Variants in DNAJC7 observed in about 807,000 individuals in gnomAD.
DNAJC7 encodes DnaJ heat shock protein family (Hsp40) member C7.
Under a neutral mutation model 67.4 loss-of-function variants are expected in DNAJC7, and 18 were observed. The ratio of observed to expected loss-of-function variants is 0.27; its 90% confidence interval spans 0.18 to 0.40. The LOEUF is 0.40. DNAJC7 is among the 10% of genes least tolerant of loss of function. The probability of loss-of-function intolerance (pLI) is 1.00; values close to 1 mark genes in which losing one functional copy is unlikely to be tolerated. For missense variants in DNAJC7, 419 were observed against 613.8 expected, an observed-to-expected ratio of 0.68 and a Z score of 3.35; for synonymous variants, 220 against 207.8, an observed-to-expected ratio of 1.06 and a Z score of -0.50.
At chr17:42,015,699 C>A (rs4796628) in intron 1 of DNAJC7, 143,629 of 147,546 alleles carry the variant, frequency 0.97, 69,935 homozygotes, top group African/African-American at 0.98. Context: ...AAAAAAAAAA[C>A]AACAATTAGC....
At chr17:41,989,010 G>A (rs1342612134) in intron 7 of DNAJC7, 114 bp from the exon 8 acceptor site, 9 of 1,297,056 alleles carry the variant, frequency 6.9e-6, no homozygotes, top group Non-Finnish European at 8.5e-6. Context: ...CAGCATCACA[G>A]AGCCCCGCCA....
chr17:41,993,352 A>G (rs897627225), intron 5 of DNAJC7, among the ~76,000 whole-genome samples: 1 of 152,120 alleles, frequency 6.6e-6, no homozygotes, highest in Non-Finnish European at 1.5e-5. Flanking sequence ...CCAGCTACTC[A>G]GGAGGCTGAG....
chr17:42,006,569 C>G (rs2051963477), intron 1 of DNAJC7, among the ~76,000 whole-genome samples: 1 of 145,018 alleles, frequency 6.9e-6, no homozygotes. Flanking sequence ...GAGGCCAAGG[C>G]AGGCAGATCA....
chr17:41,979,688 C>T (rs1462105174), intron 12 of DNAJC7, among the ~76,000 whole-genome samples: 6 of 123,040 alleles, frequency 4.9e-5, no homozygotes, highest in African/African-American at 1.8e-4. Flanking sequence ...AAAGGCCGGG[C>T]GCGGTGGCTC....
chr17:41,983,661 C>A (rs782552563), intron 9 of DNAJC7, 25 bp from the exon 10 acceptor site: 1 of 1,586,034 alleles, frequency 6.3e-7, no homozygotes, highest in South Asian at 1.1e-5. Flanking sequence ...CAAGGCAATA[C>A]AGCACTAAGA....
intron 1 of DNAJC7, among the ~76,000 whole-genome samples, chr17:42,010,240 T>C (rs2052080262): frequency 6.6e-6 from 1 of 151,278 alleles, no homozygotes; most frequent in African/African-American, 2.4e-5. Context: ...TCCCAGCACT[T>C]TGGGAGGCCA....
chr17:42,017,153 G>A, intron 1 of DNAJC7, 187 bp downstream of exon 1: 1 of 1,491,254 alleles, frequency 6.7e-7, no homozygotes, highest in South Asian at 1.3e-5. Context: ...GGCGGAAGCG[G>A]GAGAGGAAGG....
intron 5 of DNAJC7, among the ~76,000 whole-genome samples, chr17:41,993,904 G>A (rs570065608): frequency 1.9e-3 from 289 of 150,264 alleles, no homozygotes; most frequent in African/African-American, 6.7e-3. Flanking sequence ...TTAGCCATGC[G>A]TGGCAGCACA....
At chr17:41,986,848 G>T (rs2051396394) in intron 9 of DNAJC7, among the ~76,000 whole-genome samples, 1 of 152,162 alleles carries the variant, frequency 6.6e-6, no homozygotes, top group African/African-American at 2.4e-5. Context: ...AAACTAAGTG[G>T]GAGGTAGTCC....
intron 9 of DNAJC7, among the ~76,000 whole-genome samples, chr17:41,986,871 G>A (rs1444683415): frequency 6.6e-6 from 1 of 152,168 alleles, no homozygotes; most frequent in African/African-American, 2.4e-5. Flanking sequence ...GAGATATTCT[G>A]TACCACTGAT....
In DNAJC7 at chr17:41,976,605, T is replaced by G; in HGVS notation, c.*128A>C. 1 of 1,195,762 alleles carries G rather than the reference T, an allele frequency of 8.4e-7. No individual in the cohort carries two copies. Among genetic ancestry groups the G allele is most frequent in the Non-Finnish European group, 1.2e-6 (1 of 864,980 alleles). The allele number at this position is 1,195,762 out of a possible 1,614,324, so 74.1% of individuals were successfully genotyped here. On this transcript the variant is annotated 3_prime_UTR_variant, in exon 14 of 14. Coordinates refer to ENST00000457167, the MANE Select transcript of DNAJC7 (RefSeq NM_003315.4). ...ACCCCACTCACAGAGACACAGGGCATCCAACTGAGAAAACGAAACTGCTCT... is the reference window on the plus strand; with the variant it reads ...ACCCCACTCACAGAGACACAGGGCAGCCAACTGAGAAAACGAAACTGCTCT...
intron 12 of DNAJC7, chr17:41,981,513 A>G: frequency 5.0e-6 from 1 of 198,656 alleles, no homozygotes; most frequent in South Asian, 1.1e-4. Flanking sequence ...TATTTTTAGT[A>G]GAGACAGGGT....
chr17:42,004,002 C>CTGGA (rs1555649821), intron 1 of DNAJC7, among the ~76,000 whole-genome samples: 1 of 137,250 alleles, frequency 7.3e-6, no homozygotes, highest in Non-Finnish European at 1.5e-5. Flanking sequence ...TTTGCCCAGG[C>CTGGA]TGGAGGGCAG....
At chr17:42,006,429 T>C (rs1417436674) in intron 1 of DNAJC7, among the ~76,000 whole-genome samples, 3 of 151,514 alleles carry the variant, frequency 2.0e-5, no homozygotes, top group African/African-American at 7.3e-5. Context: ...GAAGACCTCC[T>C]GAGCCCAGGA....
intron 1 of DNAJC7, chr17:42,013,516 C>G (rs553672129): frequency 6.6e-6 from 1 of 152,134 alleles, no homozygotes; most frequent in Middle Eastern, 3.2e-3. Flanking sequence ...AAAAACGACC[C>G]GAGAGACTCA....
Position 41,982,349 on chromosome 17 carries a change from C to T in DNAJC7, c.1137G>A (p.Arg379=). The change falls in exon 11 of 14, where the codon AGG becomes AGA. Residue 379 remains arginine, a synonymous_variant. Coordinates refer to ENST00000457167, the MANE Select transcript of DNAJC7 (RefSeq NM_003315.4). ...NAQLELKKSK[R]KDYYKILGVD... ...CTCCTAGAATCTTGTAGTAATCTTT[C>T]CTCTTACTCTTCTTCAGTTCCAGCT... is the stretch of plus-strand genomic sequence containing the variant. 6.2e-7 allele frequency: 1 copy of T among 1,613,976 alleles called. No homozygotes were observed. Among genetic ancestry groups the T allele is most frequent in the Admixed American group, 1.7e-5 (1 of 60,018 alleles).
chr17:41,981,421 C>A (rs145661167), intron 12 of DNAJC7, among the ~76,000 whole-genome samples: 1 of 152,324 alleles, frequency 6.6e-6, no homozygotes, highest in Admixed American at 6.5e-5. Flanking sequence ...GTCTCAAACT[C>A]CTGACCTGGT....
At chr17:41,990,811 C>T (rs181743665) in intron 5 of DNAJC7, among the ~76,000 whole-genome samples, 99 of 152,010 alleles carry the variant, frequency 6.5e-4, no homozygotes, top group Admixed American at 4.1e-3. Flanking sequence ...GGACTACAGG[C>T]GCCCGCCACC....
At chr17:42,007,266 T>A (rs1252346845) in intron 1 of DNAJC7, among the ~76,000 whole-genome samples, 2 of 152,168 alleles carry the variant, frequency 1.3e-5, no homozygotes, top group Non-Finnish European at 2.9e-5. Context: ...TTTATTTTAT[T>A]CAGTCAAACT....
Sources: allele counts gnomAD v4.1 joint callset (sites outside exome capture counted in the v4.1 genomes callset), GRCh38; gene constraint gnomAD v4.1.1; transcripts MANE v1.5; gene names NCBI Gene and HGNC (gene_info 2026-07-23, HGNC 2026-07-21).